ZSCAN22: variants seen among roughly 807,000 people sequenced by gnomAD.
The protein encoded by ZSCAN22 is zinc finger and SCAN domain-containing protein 22.
Under a neutral mutation model 12.4 loss-of-function variants are expected in ZSCAN22, and 7 were observed. The ratio of observed to expected loss-of-function variants is 0.57; its 90% CI spans 0.32 to 1.06. The LOEUF (loss-of-function observed/expected upper bound fraction) is 1.06. Among genes scored for constraint, ZSCAN22 ranks in the 50% least tolerant of loss-of-function variants. The pLI, the probability that ZSCAN22 is intolerant of heterozygous loss-of-function variation, is 0.04. For synonymous variants in ZSCAN22, 243 were observed against 255.9 expected (o/e 0.95, Z 0.48); for missense variants, 576 against 631.7 (o/e 0.91, Z 0.94).
chr19:58,339,226 CG>C lies in ZSCAN22; in HGVS notation c.1379del (p.Gly460GlufsTer20), dbSNP rs768503797. 6.2e-7 allele frequency: 1 copy of C among 1,614,180 alleles called. No individual in the cohort carries two copies. The highest frequency in any genetic ancestry group is 1.7e-5 in the Admixed American group (1 of 60,026). ...CTCATTGAGCACCAGAGGATCCACA[CG>C]GGAGAGAAGCCTTATAAGTGCAGCG... ...SSLIEHQRIH[T>X]GEKPYKCSDC... On this transcript the variant is annotated frameshift_variant, in exon 3 of 3. Transcript: ENST00000329665. LOFTEE classifies it low-confidence loss of function (END_TRUNC). This position sits in a 1 kb window ranked among gnomAD's most constrained non-coding sequence, Gnocchi z 5.6.
chr19:58,333,572 G>A (rs1325258978), intron 1 of ZSCAN22, among the ~76,000 whole-genome samples: 3 of 152,230 alleles, frequency 2.0e-5, no homozygotes, highest in Non-Finnish European at 4.4e-5. Flanking sequence ...GACTGGGCAT[G>A]GTGACTCATG....
chr19:58,332,233 T>C (rs1472374321), intron 1 of ZSCAN22, among the ~76,000 whole-genome samples: 1 of 151,746 alleles, frequency 6.6e-6, no homozygotes, highest in Admixed American at 6.6e-5. Context: ...ACTCTCATTT[T>C]TGTCTCTCTT....
intron 1 of ZSCAN22, among the ~76,000 whole-genome samples, chr19:58,332,575 G>A (rs1017878575): frequency 7.9e-5 from 12 of 151,928 alleles, no homozygotes; most frequent in Non-Finnish European, 1.0e-4. Flanking sequence ...GTGCCCTGCC[G>A]TGTCTTTCTT....
chr19:58,331,536 A>C (rs1020818578), intron 1 of ZSCAN22, among the ~76,000 whole-genome samples: 1 of 124,728 alleles, frequency 8.0e-6, no homozygotes, highest in African/African-American at 2.9e-5. Flanking sequence ...TATTATTATT[A>C]TTATTATTAT....
intron 2 of ZSCAN22, among the ~76,000 whole-genome samples, chr19:58,336,876 C>T (rs1278143868): frequency 6.6e-6 from 1 of 152,184 alleles, no homozygotes; most frequent in East Asian, 1.9e-4. Flanking sequence ...CAGATGAGGG[C>T]AGGACTGATT....
In ZSCAN22 at chr19:58,335,141, T is replaced by G; in HGVS notation, c.339T>G (p.Ser113Arg). The stretch of plus-strand genomic sequence containing the variant: ...TCCAAGCCTGGGTGGGAGCCCAGAG[T>G]CCCAAGAGCGGAGAGGAAGCCGCTG... ...PEIQAWVGAQ[S>R]PKSGEEAAVL... The change falls in exon 2 of 3, where the codon AGT becomes AGG. Residue 113 changes from serine to arginine, a missense_variant. By Grantham distance (110) the Ser-to-Arg change is moderately radical (BLOSUM62 -1). Transcript: ENST00000329665. This position sits in a 1 kb window ranked among gnomAD's most constrained non-coding sequence, Gnocchi z 4.1. 1 of 1,613,398 alleles carries G rather than the reference T, an allele frequency of 6.2e-7. No individual in the cohort carries two copies. Among genetic ancestry groups the G allele is most frequent in the Non-Finnish European group, 8.5e-7 (1 of 1,179,784 alleles).
At chr19:58,332,939 G>T (rs529120138) in intron 1 of ZSCAN22, among the ~76,000 whole-genome samples, 1 of 152,226 alleles carries the variant, frequency 6.6e-6, no homozygotes, top group Admixed American at 6.5e-5. Flanking sequence ...GAGGATTACA[G>T]TTTCTCCATA....
At position 58,338,982 on chromosome 19, in the gene ZSCAN22, C is replaced by A; in HGVS notation, c.1132C>A (p.Arg378=). 6.2e-7 allele frequency: 1 copy of A among 1,612,816 alleles called. No individual in the cohort carries two copies. The highest frequency in any genetic ancestry group is 8.5e-7 in the Non-Finnish European group (1 of 1,179,350). Residue 378 remains arginine, a synonymous_variant, in exon 3 of 3, where the codon CGG becomes AGG. Transcript: ENST00000329665. This position sits in a 1 kb window ranked among gnomAD's most constrained non-coding sequence, Gnocchi z 5.4. ...GCACCAGCGGGTGCACACGGGGGAG[C>A]GGCCCTACGAGTGTGACGCGTGTGG... ...TQHQRVHTGE[R]PYECDACGKA...
Position 58,335,339 on chromosome 19 carries a change from C to A in ZSCAN22, c.403+134C>A. On this transcript the variant is annotated intron_variant, in intron 2 of 2. Transcript: ENST00000329665. The surrounding 1 kb of genome is among the most constrained non-coding windows in gnomAD (Gnocchi z 4.1). ...TTTGTACTTTACCGTAACTCTCACA[C>A]ACTGTTGTAGACAGGTGTGTTTTGG... The A allele has an allele frequency of 8.1e-7, 1 of 1,230,316 alleles. No individual in the cohort carries two copies. Among genetic ancestry groups the A allele is most frequent in the Non-Finnish European group, 1.1e-6 (1 of 910,922 alleles). The allele number at this position is 1,230,316 out of a possible 1,614,324, so 76.2% of individuals were successfully genotyped here.
chr19:58,334,403 G>A (rs1169770405), intron 1 of ZSCAN22, among the ~76,000 whole-genome samples: 1 of 152,114 alleles, frequency 6.6e-6, no homozygotes, highest in African/African-American at 2.4e-5. Context: ...TGCAAGCTCC[G>A]CCTCCCGGGT....
In ZSCAN22 at chr19:58,339,002, G is replaced by C; in HGVS notation, c.1152G>C (p.Ala384=). The stretch of plus-strand genomic sequence containing the variant: ...GGGAGCGGCCCTACGAGTGTGACGC[G>C]TGTGGGAAAGCCTTCAGCCAGAGCA... ...HTGERPYECD[A]CGKAFSQSTH... Residue 384 remains alanine, a synonymous_variant, in exon 3 of 3, where the codon GCG becomes GCC. Transcript: ENST00000329665. This position sits in a 1 kb window ranked among gnomAD's most constrained non-coding sequence, Gnocchi z 5.6. 6.2e-7 allele frequency: 1 copy of C among 1,612,526 alleles called. No individual in the cohort carries two copies. Among genetic ancestry groups the C allele is most frequent in the Non-Finnish European group, 8.5e-7 (1 of 1,179,076 alleles).
chr19:58,339,450 T>C lies in ZSCAN22; in HGVS notation c.*124T>C. 1 of 918,402 alleles carries C rather than the reference T, an allele frequency of 1.1e-6. No individual in the cohort carries two copies. The highest frequency in any genetic ancestry group is 1.6e-6 in the Non-Finnish European group (1 of 625,472). The allele number at this position is 918,402 out of a possible 1,614,324, so 56.9% of individuals were successfully genotyped here. On this transcript the variant is annotated 3_prime_UTR_variant, in exon 3 of 3. Transcript: ENST00000329665. The surrounding 1 kb of genome is among the most constrained non-coding windows in gnomAD (Gnocchi z 5.6). ...ATTGATGAGTTGTCAAAATGATAGG[T>C]GCCTGAGGGCAGACTCGGGCTGTCT...
chr19:58,336,490 T>C (rs947491471), intron 2 of ZSCAN22, among the ~76,000 whole-genome samples: 1 of 151,720 alleles, frequency 6.6e-6, no homozygotes, highest in African/African-American at 2.4e-5. Context: ...TGTATTCTGG[T>C]AAAAGCAGGT....
intron 2 of ZSCAN22, among the ~76,000 whole-genome samples, chr19:58,337,183 C>T (rs1286724908): frequency 1.3e-5 from 2 of 152,252 alleles, no homozygotes; most frequent in Non-Finnish European, 2.9e-5. Context: ...CAGCCATATT[C>T]TACCTGGGGT....
Position 58,334,902 on chromosome 19 carries a change from G to C in ZSCAN22, c.100G>C (p.Gly34Arg), listed in dbSNP as rs762444086. The C allele has an allele frequency of 1.2e-6, 2 of 1,614,122 alleles. No homozygotes were observed. The highest frequency in any genetic ancestry group is 2.2e-5 in the South Asian group (2 of 91,088). The change falls in exon 2 of 3, where the codon GGC becomes CGC. Residue 34 changes from glycine (G) to arginine (R), a missense_variant. By Grantham distance (125) the Gly-to-Arg change is moderately radical. Coordinates refer to ENST00000329665, the MANE Select transcript of ZSCAN22 (RefSeq NM_181846.3). ...EEEEEASLSQ[G>R]GESSHDHIAH... Reference sequence around the variant, plus strand: ...GGAAGAGGAAGCCAGCCTCTCCCAGGGCGGAGAATCCAGCCATGACCACAT... The same window carrying C: ...GGAAGAGGAAGCCAGCCTCTCCCAGCGCGGAGAATCCAGCCATGACCACAT...
rs1370844667 is a variant in ZSCAN22, at chr19:58,341,716, C to CA, written c.*2391dup. ...GGGATGACAGGCTTAGGGGAAAACT[C>CA]AGAGAGGAGAGATGCACATTCCTAG... On this transcript the variant is annotated 3_prime_UTR_variant, in exon 3 of 3. Transcript: ENST00000329665. 3 of 152,340 alleles carry CA rather than the reference C, an allele frequency of 2.0e-5. No individual in the cohort carries two copies. Among genetic ancestry groups the CA allele is most frequent in the Non-Finnish European group, 2.9e-5 (2 of 68,062 alleles). The allele number at this position is 152,340 out of a possible 1,614,324, so 9.4% of individuals were successfully genotyped here.
chr19:58,334,661 T>C, intron 1 of ZSCAN22, 91 bp from the exon 2 acceptor site: 1 of 951,552 alleles, frequency 1.1e-6, no homozygotes, highest in South Asian at 1.8e-5. Context: ...CTTTCACATC[T>C]CACGGGCCAC....
chr19:58,334,095 T>C (rs1045420484), intron 1 of ZSCAN22, among the ~76,000 whole-genome samples: 2 of 152,204 alleles, frequency 1.3e-5, no homozygotes, highest in African/African-American at 4.8e-5. Context: ...AGAATGACCA[T>C]GTGGCTACCT....
intron 2 of ZSCAN22, among the ~76,000 whole-genome samples, chr19:58,337,312 A>T (rs2051810039): frequency 6.6e-6 from 1 of 152,018 alleles, no homozygotes; most frequent in Non-Finnish European, 1.5e-5. Flanking sequence ...AGTGTGAGGG[A>T]CAGAACCGCA....
Sources: gnomAD v4.1 joint callset for allele counts (sites outside exome capture counted in the v4.1 genomes callset) on GRCh38, gnomAD v4.1.1 for gene constraint, Gnocchi (gnomAD v3.1) non-coding constraint, MANE v1.5 for transcripts, NCBI Gene and HGNC (gene_info 2026-07-23, HGNC 2026-07-21) for gene names.